PELI2: variants seen among roughly 807,000 people sequenced by gnomAD.
PELI2 encodes the protein pellino E3 ubiquitin protein ligase family member 2, also known as E3 ubiquitin-protein ligase pellino homolog 2.
In PELI2, 23 loss-of-function variants were observed where a neutral mutation model predicts 42.3. That is an observed-to-expected ratio of 0.54 (90% CI 0.39 to 0.77). The LOEUF (loss-of-function observed/expected upper bound fraction) is 0.77, where lower values mean the gene tolerates loss of function less well. Ranked by LOEUF, PELI2 falls within the 30% of genes least tolerant of loss-of-function variation. The pLI, the probability that PELI2 is intolerant of heterozygous loss-of-function variation, is 0.00. For synonymous variants in PELI2, 245 were observed against 212.2 expected, an observed-to-expected ratio of 1.15 and a Z score of -1.34; for missense variants, 463 against 553.2, an observed-to-expected ratio of 0.84 and a Z score of 1.64.
chr14:56,253,957 A>G (rs554139297), intron 2 of PELI2, among the ~76,000 whole-genome samples: 1 of 152,362 alleles, frequency 6.6e-6, no homozygotes, highest in Non-Finnish European at 1.5e-5. Flanking sequence ...CTACAAGGCT[A>G]CAATAACCAA....
chr14:56,294,168 A>T (rs1448866218), intron 5 of PELI2, among the ~76,000 whole-genome samples: 1 of 152,182 alleles, frequency 6.6e-6, no homozygotes. Context: ...AAAAACTAAT[A>T]CTTGGGAAGG....
chr14:56,270,381 C>T (rs1461419005), intron 2 of PELI2, among the ~76,000 whole-genome samples: 1 of 152,122 alleles, frequency 6.6e-6, no homozygotes, highest in Non-Finnish European at 1.5e-5. Context: ...TTAGCCACCT[C>T]CTCTCTTTAG....
chr14:56,292,699 G>A (rs17091214), intron 5 of PELI2: 137,968 of 781,296 alleles, frequency 0.18, 12,753 homozygotes, highest in South Asian at 0.36. Context: ...AGAAATCACC[G>A]TTGTTTTTCA....
chr14:56,118,744 C>G lies in PELI2; in HGVS notation c.77+7C>G. The G allele has an allele frequency of 6.7e-7, 1 of 1,488,216 alleles. No individual in the cohort carries two copies. Among genetic ancestry groups the G allele is most frequent in the Non-Finnish European group, 9.0e-7 (1 of 1,111,724 alleles). 92.2% of individuals were successfully genotyped at this position (1,488,216 alleles called of 1,614,324 possible). On this transcript the variant is annotated splice_region_variant and intron_variant, in intron 1 of 5. Coordinates refer to ENST00000267460, the MANE Select transcript of PELI2 (RefSeq NM_021255.3). The stretch of plus-strand genomic sequence containing the variant: ...GGGAGCTGGTGGTGCTCGGGTGAGT[C>G]CTGGGGTCCCTGGTCCCGGGCAGCG...
chr14:56,261,909 A>C (rs1244890016), intron 2 of PELI2, among the ~76,000 whole-genome samples: 1 of 152,162 alleles, frequency 6.6e-6, no homozygotes. Flanking sequence ...TTCACACATA[A>C]ATATATTGAC....
intron 1 of PELI2, among the ~76,000 whole-genome samples, chr14:56,177,321 G>A (rs947588231): frequency 6.6e-6 from 1 of 152,186 alleles, no homozygotes; most frequent in African/African-American, 2.4e-5. Flanking sequence ...AGTGGAGAAG[G>A]CCCAGGGATC....
rs1456423550 is a variant in PELI2, at chr14:56,296,901, G to A, written c.998G>A (p.Arg333Lys). The change falls in exon 6 of 6, where the codon AGG becomes AAG. Residue 333 changes from arginine (R) to lysine (K), a missense_variant. Arg to Lys is a conservative substitution (Grantham distance 26). Around this residue, in one of 3 missense-constraint regions of PELI2, gnomAD observed 103 missense variants for 129.6 expected, o/e 0.80. Transcript: ENST00000267460. ...GHRSDTEANERECPMCRTVGP... is the reference protein window; with the variant it reads ...GHRSDTEANEKECPMCRTVGP... ...CGGAGTGACACGGAGGCCAACGAGA[G>A]GGAGTGTCCCATGTGCAGGACTGTG... is the stretch of plus-strand genomic sequence containing the variant. The A allele has an allele frequency of 1.2e-6, 2 of 1,614,056 alleles. No individual in the cohort carries two copies. The highest frequency in any genetic ancestry group is 1.3e-5 in the African/African-American group (1 of 74,932).
Position 56,170,179 on chromosome 14 carries a change from C to T in PELI2, c.78-8156C>T, listed in dbSNP as rs552193589. 1.1e-3 allele frequency among the ~76,000 whole-genome samples: 163 copies of T among 152,252 alleles called. 2 individuals carry two copies. Among genetic ancestry groups the T allele is most frequent in the African/African-American group, 3.8e-3 (157 of 41,538 alleles). ...CAGAGCAGTTGCTTTGGAAGGAAGG[C>T]GGAGTCTTCAGCCTGTAATGAAGAG... On this transcript the variant is annotated intron_variant, in intron 1 of 5. Coordinates refer to ENST00000267460, the MANE Select transcript of PELI2 (RefSeq NM_021255.3).
intron 1 of PELI2, 134 bp downstream of exon 1, chr14:56,118,871 G>C (rs1455724512): frequency 2.0e-6 from 1 of 492,674 alleles, no homozygotes; most frequent in Non-Finnish European, 3.2e-6. Context: ...GAGGCTCTCA[G>C]GGCCCGGACG....
At chr14:56,267,993 C>T (rs912993381) in intron 2 of PELI2, among the ~76,000 whole-genome samples, 3 of 152,064 alleles carry the variant, frequency 2.0e-5, no homozygotes, top group Non-Finnish European at 2.9e-5. Context: ...AGTATAAAAT[C>T]GATTTATGTC....
At chr14:56,255,019 C>T (rs769441140) in intron 2 of PELI2, among the ~76,000 whole-genome samples, 5 of 152,136 alleles carry the variant, frequency 3.3e-5, no homozygotes, top group African/African-American at 1.2e-4. Context: ...GTAATGGGAA[C>T]GCTTTTACAC....
At chr14:56,164,398 T>A (rs940696761) in intron 1 of PELI2, among the ~76,000 whole-genome samples, 1 of 152,174 alleles carries the variant, frequency 6.6e-6, no homozygotes, top group Non-Finnish European at 1.5e-5. Flanking sequence ...TCCCACTTGG[T>A]CATGGTGAAT....
chr14:56,239,646 G>T (rs1296164738), intron 2 of PELI2, among the ~76,000 whole-genome samples: 1 of 152,156 alleles, frequency 6.6e-6, no homozygotes, highest in African/African-American at 2.4e-5. Context: ...TTGTGGATAT[G>T]CATACAGACT....
intron 3 of PELI2, among the ~76,000 whole-genome samples, chr14:56,283,741 G>T (rs1297052888): frequency 6.6e-6 from 1 of 152,198 alleles, no homozygotes; most frequent in Non-Finnish European, 1.5e-5. Context: ...TACCAGCTCA[G>T]CCTCTTTAAA....
chr14:56,153,145 T>TA, intron 1 of PELI2, among the ~76,000 whole-genome samples: 1 of 152,308 alleles, frequency 6.6e-6, no homozygotes, highest in Admixed American at 6.5e-5. Flanking sequence ...ATTAGCATTT[T>TA]AAAAAAAGCA....
At chr14:56,266,779 C>T (rs542895942) in intron 2 of PELI2, among the ~76,000 whole-genome samples, 9 of 152,030 alleles carry the variant, frequency 5.9e-5, no homozygotes, top group South Asian at 2.1e-4. Context: ...GTATGCAAAA[C>T]GAATATCTGC....
chr14:56,233,870 A>G (rs1887682129), intron 2 of PELI2, among the ~76,000 whole-genome samples: 1 of 152,232 alleles, frequency 6.6e-6, no homozygotes, highest in Non-Finnish European at 1.5e-5. Context: ...ACAAAGGGCT[A>G]ATATCCAGAA....
At chr14:56,295,042 C>T (rs542349114) in intron 5 of PELI2, among the ~76,000 whole-genome samples, 1 of 152,218 alleles carries the variant, frequency 6.6e-6, no homozygotes, top group Non-Finnish European at 1.5e-5. Flanking sequence ...CAACCAGGCA[C>T]GTAAGAGGCT....
At chr14:56,218,196 G>A (rs1886982113) in intron 2 of PELI2, among the ~76,000 whole-genome samples, 2 of 152,194 alleles carry the variant, frequency 1.3e-5, no homozygotes, top group Non-Finnish European at 2.9e-5. Context: ...AGGTAGTTGT[G>A]ATCTATCATT....
Sources: allele counts gnomAD v4.1 joint callset (sites outside exome capture counted in the v4.1 genomes callset), GRCh38; gene constraint gnomAD v4.1.1; regional missense constraint gnomAD v4.1.1; transcripts MANE v1.5; gene names NCBI Gene and HGNC (gene_info 2026-07-23, HGNC 2026-07-21).